The following SNAP91 variants were observed in gnomAD, a reference collection of about 807,000 sequenced individuals.
SNAP91 encodes clathrin coat assembly protein AP180.
Under a neutral mutation model 100.3 loss-of-function variants are expected in SNAP91, and 27 were observed. The ratio of observed to expected loss-of-function variants is 0.27; its 90% confidence interval spans 0.20 to 0.37. The LOEUF is 0.37. SNAP91 is among the 10% of genes least tolerant of loss of function. SNAP91 has a pLI of 1.00. For missense variants in SNAP91, 986 were observed against 1,123.7 expected, an observed-to-expected ratio of 0.88 and a Z score of 1.75; for synonymous variants, 404 against 398.6, an observed-to-expected ratio of 1.01 and a Z score of -0.16.
chr6:83,561,033 A>G, intron 26 of SNAP91, 86 bp from the exon 27 acceptor site: 1 of 857,956 alleles, frequency 1.2e-6, no homozygotes, highest in Non-Finnish European at 1.8e-6. Flanking sequence ...AAAGAACAAT[A>G]TAATTTGGTA....
chr6:83,598,233 C>T (rs967518349), intron 16 of SNAP91, among the ~76,000 whole-genome samples: 28 of 152,136 alleles, frequency 1.8e-4, no homozygotes, highest in Non-Finnish European at 3.1e-4. Flanking sequence ...ATTTTAAAGG[C>T]GTAACACTGC....
chr6:83,679,780 C>T (rs2098961870), intron 2 of SNAP91, among the ~76,000 whole-genome samples: 1 of 152,182 alleles, frequency 6.6e-6, no homozygotes, highest in Admixed American at 6.6e-5. Context: ...GGCTTCAATG[C>T]ACTTCAAGCT....
At chr6:83,623,265 A>G (rs1178691550) in intron 9 of SNAP91, 36 bp downstream of exon 9, 2 of 1,535,900 alleles carry the variant, frequency 1.3e-6, no homozygotes, top group African/African-American at 1.4e-5. Flanking sequence ...TAATAATCTC[A>G]TGCATACTGA....
At position 83,591,303 on chromosome 6, in the gene SNAP91, T is replaced by C. The variant is rs1181214427; in HGVS notation, c.1931-9A>G. 30 of 1,593,042 alleles carry C rather than the reference T, an allele frequency of 1.9e-5. No homozygotes were observed. The highest frequency in any genetic ancestry group is 2.5e-5 in the Non-Finnish European group (29 of 1,161,212). On this transcript the variant is annotated splice_polypyrimidine_tract_variant and intron_variant, in intron 21 of 29. Coordinates refer to ENST00000369694, the MANE Select transcript of SNAP91 (RefSeq NM_001242792.2). ...ACTACTTCCAAATGCATCTATCCGTTATCCATTGTGCAGCGGAAAAGTAAG... is the reference window on the plus strand; with the variant it reads ...ACTACTTCCAAATGCATCTATCCGTCATCCATTGTGCAGCGGAAAAGTAAG...
intron 7 of SNAP91, 28 bp from the exon 8 acceptor site, chr6:83,641,230 T>A: frequency 3.9e-6 from 4 of 1,021,954 alleles, no homozygotes; most frequent in Middle Eastern, 2.2e-4. Context: ...ATAAGCAATT[T>A]GAAAAGAGTA....
In SNAP91 at chr6:83,652,859, A is replaced by AG. The variant is rs549968024; in HGVS notation, c.658+3894dup. Among the ~76,000 whole-genome samples the AG allele has an allele frequency of 1.2e-3, 187 of 152,266 alleles. 2 individuals are homozygous for AG. In the South Asian group the frequency reaches 0.025, roughly 20 times the overall value. On this transcript the variant is annotated intron_variant, in intron 7 of 29. Coordinates refer to ENST00000369694, the MANE Select transcript of SNAP91 (RefSeq NM_001242792.2). ...TTTCACTTTTAAAGGACTATTTCAC[A>AG]GGGTAAAGAATTCTAGGTTAAGTGG...
intron 24 of SNAP91, among the ~76,000 whole-genome samples, chr6:83,578,353 GT>G (rs1027513292): frequency 2.0e-5 from 3 of 152,106 alleles, no homozygotes; most frequent in Non-Finnish European, 4.4e-5. Context: ...TGGGTTTCAA[GT>G]TTTCCATATC....
chr6:83,569,270 G>A (rs1802404452), intron 26 of SNAP91, among the ~76,000 whole-genome samples: 1 of 151,974 alleles, frequency 6.6e-6, no homozygotes, highest in Admixed American at 6.6e-5. Context: ...AGCTGCTGTG[G>A]ATACTTTATG....
At chr6:83,569,705 T>C (rs889913232) in intron 26 of SNAP91, among the ~76,000 whole-genome samples, 3 of 152,162 alleles carry the variant, frequency 2.0e-5, no homozygotes, top group Admixed American at 1.3e-4. Flanking sequence ...TGGGAGGTAA[T>C]TGAATCATGG....
At chr6:83,598,873 A>G (rs1583095357) in intron 16 of SNAP91, among the ~76,000 whole-genome samples, 1 of 152,338 alleles carries the variant, frequency 6.6e-6, no homozygotes, top group East Asian at 1.9e-4. Flanking sequence ...ACTCCTGAAC[A>G]TAAAGGATGG....
intron 11 of SNAP91, among the ~76,000 whole-genome samples, chr6:83,611,028 TG>T (rs2096020072): frequency 1.3e-5 from 2 of 152,070 alleles, no homozygotes; most frequent in South Asian, 4.2e-4. Flanking sequence ...ACTGTCTAAA[TG>T]GGAATTTAAA....
At chr6:83,577,138 T>C (rs983213695) in intron 24 of SNAP91, among the ~76,000 whole-genome samples, 1 of 152,124 alleles carries the variant, frequency 6.6e-6, no homozygotes, top group Non-Finnish European at 1.5e-5. Flanking sequence ...GAAGGATTCA[T>C]AGAAGTGAGA....
chr6:83,609,083 T>C (rs1489896216), intron 12 of SNAP91, among the ~76,000 whole-genome samples: 4 of 152,138 alleles, frequency 2.6e-5, no homozygotes, highest in African/African-American at 7.2e-5. Context: ...TGAGAACTTA[T>C]TGACAGCAAT....
intron 8 of SNAP91, among the ~76,000 whole-genome samples, chr6:83,624,629 G>A (rs1435470560): frequency 6.6e-6 from 1 of 151,986 alleles, no homozygotes; most frequent in Non-Finnish European, 1.5e-5. Context: ...TTGTTGGGGG[G>A]TGTCTTGTGC....
chr6:83,575,214 T>A, intron 25 of SNAP91, 93 bp from the exon 26 acceptor site: 3 of 878,696 alleles, frequency 3.4e-6, no homozygotes, highest in East Asian at 2.6e-5. Context: ...TATTTGGGTT[T>A]AAAAGCAGTT....
intron 2 of SNAP91, among the ~76,000 whole-genome samples, chr6:83,676,971 T>C (rs2098916546): frequency 6.6e-6 from 1 of 152,136 alleles, no homozygotes; most frequent in African/African-American, 2.4e-5. Flanking sequence ...GGACATTAGA[T>C]ACCAAAAGGA....
At chr6:83,632,515 G>C (rs2097251297) in intron 8 of SNAP91, among the ~76,000 whole-genome samples, 1 of 152,150 alleles carries the variant, frequency 6.6e-6, no homozygotes, top group Non-Finnish European at 1.5e-5. Context: ...TTGTTCCTCA[G>C]GAACACCAAT....
intron 8 of SNAP91, among the ~76,000 whole-genome samples, chr6:83,628,228 T>TAA (rs1191234943): frequency 7.0e-6 from 1 of 143,634 alleles, no homozygotes; most frequent in African/African-American, 2.7e-5. Context: ...TTTACATATA[T>TAA]ATATATATAT....
At chr6:83,560,351 G>C (rs184082943) in intron 27 of SNAP91, 143 bp from the exon 28 acceptor site, 503 of 655,348 alleles carry the variant, frequency 7.7e-4, no homozygotes, top group African/African-American at 4.2e-3. Flanking sequence ...ATTTTAATTA[G>C]GGATAATGTG....
Sources: gnomAD v4.1 joint callset for allele counts (sites outside exome capture counted in the v4.1 genomes callset) on GRCh38, gnomAD v4.1.1 for gene constraint, MANE v1.5 for transcripts, NCBI Gene and HGNC (gene_info 2026-07-23, HGNC 2026-07-21) for gene names.